Variants in VPS53 observed in about 807,000 individuals in gnomAD.
VPS53 encodes the protein VPS53 subunit of GARP complex, also known as vacuolar protein sorting-associated protein 53 homolog.
Under a neutral mutation model 107.0 loss-of-function variants are expected in VPS53, and 70 were observed. The observed-to-expected ratio is 0.65, with a 90% CI of 0.54 to 0.80. The LOEUF (loss-of-function observed/expected upper bound fraction) is 0.80, where lower values mean the gene tolerates loss of function less well. Among genes scored for constraint, VPS53 ranks in the 30% least tolerant of loss-of-function variants. The pLI is 0.00. For missense variants in VPS53, 917 were observed against 1,049.4 expected (o/e 0.87, Z 1.74); for synonymous variants, 409 against 393.3 (o/e 1.04, Z -0.47).
In VPS53 at chr17:511,388, T is replaced by C. The variant is rs1445704343; in HGVS notation, c.*7740A>G. On this transcript the variant is annotated 3_prime_UTR_variant, in exon 22 of 22. Transcript: ENST00000437048. The stretch of plus-strand genomic sequence containing the variant: ...TCTTAATTTCTCACTTGTTGAAAAA[T>C]TACCCAAAACAGGAGGCAAGACAAT... The C allele has an allele frequency of 6.6e-6, 1 of 152,056 alleles. No homozygotes were observed. Among genetic ancestry groups the C allele is most frequent in the Non-Finnish European group, 1.5e-5 (1 of 68,022 alleles). 9.4% of individuals were successfully genotyped at this position (152,056 alleles called of 1,614,324 possible).
chr17:591,633 T>G (rs1026423013), intron 12 of VPS53, among the ~76,000 whole-genome samples: 1 of 152,212 alleles, frequency 6.6e-6, no homozygotes, highest in South Asian at 2.1e-4. Flanking sequence ...CATTTCGTTA[T>G]GTACCCAGTA....
intron 13 of VPS53, among the ~76,000 whole-genome samples, chr17:564,764 T>C (rs1913336686): frequency 1.3e-5 from 2 of 152,004 alleles, no homozygotes; most frequent in African/African-American, 2.4e-5. Flanking sequence ...AGCTCCAGAC[T>C]TGCCTCAGGC....
chr17:695,871 C>G (rs551204284), intron 4 of VPS53, among the ~76,000 whole-genome samples: 4 of 152,196 alleles, frequency 2.6e-5, no homozygotes, highest in South Asian at 2.1e-4. Context: ...ATTTAGTGGC[C>G]AGAGCTGATA....
At chr17:571,523 T>TCTCCCTACGATCTCCCTCTCCCC (rs1914067006) in intron 13 of VPS53, among the ~76,000 whole-genome samples, 1 of 92,114 alleles carries the variant, frequency 1.1e-5, no homozygotes, top group African/African-American at 6.9e-5. Context: ...TCCCTCTCCC[T>TCTCCCTACGATCTCCCTCTCCCC]CTCCCTACGG....
intron 7 of VPS53, among the ~76,000 whole-genome samples, chr17:642,959 T>TCATACTTGGAAAGTGAGGACAACA (rs1567701060): frequency 1.3e-5 from 1 of 79,778 alleles, no homozygotes; most frequent in African/African-American, 4.4e-5. Context: ...CGAGGACAAC[T>TCATACTTGGAAAGTGAGGACAACA]CTCATACTTG....
chr17:654,572 A>C (rs996489004), intron 6 of VPS53, among the ~76,000 whole-genome samples: 8 of 151,924 alleles, frequency 5.3e-5, no homozygotes, highest in African/African-American at 1.9e-4. Context: ...CCCCGTCTCT[A>C]CTAAAAATAC....
chr17:553,363 G>T lies in VPS53; in HGVS notation c.1787+17C>A. The T allele has an allele frequency of 6.2e-7, 1 of 1,612,998 alleles. No individual in the cohort carries two copies. The highest frequency in any genetic ancestry group is 8.5e-7 in the Non-Finnish European group (1 of 1,179,100). The stretch of plus-strand genomic sequence containing the variant: ...GAGAAAGGGCAGGCAGCCAGTAAGT[G>T]TGTGCAGGGTACATACGTGCTGAAC... On this transcript the variant is annotated intron_variant, in intron 16 of 21. Transcript: ENST00000437048.
chr17:704,616 G>A (rs1346021104), intron 2 of VPS53, among the ~76,000 whole-genome samples: 5 of 152,186 alleles, frequency 3.3e-5, no homozygotes, highest in African/African-American at 1.2e-4. Flanking sequence ...GAAACTCTGA[G>A]ACTAGAGAAG....
intron 17 of VPS53, among the ~76,000 whole-genome samples, chr17:548,200 G>A (rs1911403574): frequency 6.6e-6 from 1 of 152,230 alleles, no homozygotes; most frequent in Non-Finnish European, 1.5e-5. Flanking sequence ...GATAGATAAT[G>A]AAAGCTCTAT....
intron 7 of VPS53, among the ~76,000 whole-genome samples, chr17:652,879 T>A (rs1597440478): frequency 6.6e-6 from 1 of 152,074 alleles, no homozygotes; most frequent in Non-Finnish European, 1.5e-5. Context: ...TGGGAAGGGG[T>A]AAAGTGGGGG....
intron 17 of VPS53, among the ~76,000 whole-genome samples, chr17:541,948 C>T (rs1417049861): frequency 6.7e-6 from 1 of 150,100 alleles, no homozygotes; most frequent in African/African-American, 2.5e-5. Flanking sequence ...GCACCTACTA[C>T]GCACCAGGCG....
chr17:620,615 G>A (rs1969428435), intron 11 of VPS53, among the ~76,000 whole-genome samples: 1 of 152,104 alleles, frequency 6.6e-6, no homozygotes, highest in Admixed American at 6.6e-5. Context: ...ACCTAATATA[G>A]CGTGGGTCAC....
At chr17:657,519 T>C in intron 5 of VPS53, 2 of 1,478,022 alleles carry the variant, frequency 1.4e-6, no homozygotes, top group Non-Finnish European at 1.9e-6. Flanking sequence ...TGCTACCCGC[T>C]TCAGATGCTT....
chr17:643,244 CACTCATACTTGGAAAG>C (rs1567701409), intron 7 of VPS53, among the ~76,000 whole-genome samples: 4 of 24,598 alleles, frequency 1.6e-4, no homozygotes, highest in East Asian at 4.2e-3. Flanking sequence ...CCGAGGACAA[CACTCATACTTGGAAAG>C]TGAGGACAAC....
intron 6 of VPS53, among the ~76,000 whole-genome samples, chr17:655,464 A>G (rs1201037325): frequency 6.6e-6 from 1 of 152,014 alleles, no homozygotes; most frequent in Non-Finnish European, 1.5e-5. Flanking sequence ...CCTGGAGTGA[A>G]TATGGGCCCG....
chr17:697,276 G>A, intron 4 of VPS53, 142 bp downstream of exon 4: 1 of 737,282 alleles, frequency 1.4e-6, no homozygotes, highest in Non-Finnish European at 2.4e-6. Flanking sequence ...GCTGCTGTGG[G>A]CGCCTGCCCT....
intron 12 of VPS53, among the ~76,000 whole-genome samples, chr17:589,647 T>G (rs1427835169): frequency 6.6e-6 from 1 of 152,168 alleles, no homozygotes; most frequent in Admixed American, 6.5e-5. Flanking sequence ...GTCAGAAAAC[T>G]TGGAAAATGG....
Position 520,395 on chromosome 17 carries a change from G to A in VPS53, c.2224-465C>T, listed in dbSNP as rs1908643026. On this transcript the variant is annotated intron_variant, in intron 20 of 21. Transcript: ENST00000437048. The surrounding 1 kb of genome is among the most constrained non-coding windows in gnomAD (Gnocchi z 4.4). ...TGCTCCTTCTGCCTTGACGTACTAT[G>A]ATTCCTGAGAAATGGGTGGCAAAAG... is the stretch of plus-strand genomic sequence containing the variant. Among the ~76,000 whole-genome samples, 1 of 152,156 alleles carries A rather than the reference G, an allele frequency of 6.6e-6. No homozygotes were observed. The highest frequency in any genetic ancestry group is 2.4e-5 in the African/African-American group (1 of 41,440).
chr17:598,121 G>A (rs1365521239), intron 12 of VPS53, among the ~76,000 whole-genome samples: 1 of 152,182 alleles, frequency 6.6e-6, no homozygotes, highest in African/African-American at 2.4e-5. Context: ...GCAGGCTCGC[G>A]CCGCCACACC....
Sources: allele counts gnomAD v4.1 joint callset (sites outside exome capture counted in the v4.1 genomes callset), GRCh38; gene constraint gnomAD v4.1.1; non-coding constraint Gnocchi (gnomAD v3.1); transcripts MANE v1.5; gene names NCBI Gene and HGNC (gene_info 2026-07-23, HGNC 2026-07-21).